Variants in SETD2 observed in about 807,000 individuals in gnomAD.
SETD2 encodes histone-lysine N-methyltransferase SETD2.
In SETD2, 31 loss-of-function variants were observed where a neutral mutation model predicts 242.1. The observed-to-expected ratio is 0.13, with a 90% CI of 0.10 to 0.17. The LOEUF is 0.17. SETD2 is among the 10% of genes least tolerant of loss of function. SETD2 has a pLI of 1.00. For missense variants in SETD2, 2,481 were observed against 3,046.3 expected (o/e 0.81, Z 4.37); for synonymous variants, 1,006 against 1,066.5 (o/e 0.94, Z 1.11).
intron 12 of SETD2, among the ~76,000 whole-genome samples, chr3:47,069,559 T>C (rs1271141670): frequency 2.6e-5 from 4 of 152,230 alleles, no homozygotes; most frequent in Admixed American, 6.5e-5. Context: ...ACTGAACTAC[T>C]GGCTATTCTT....
intron 12 of SETD2, among the ~76,000 whole-genome samples, chr3:47,072,881 A>G (rs1305225737): frequency 6.6e-6 from 1 of 150,954 alleles, no homozygotes; most frequent in African/African-American, 2.4e-5. Context: ...TGGGAGGCGG[A>G]GCTTGCAGTG....
At chr3:47,130,339 T>C (rs1158079262) in intron 1 of SETD2, among the ~76,000 whole-genome samples, 4 of 151,848 alleles carry the variant, frequency 2.6e-5, no homozygotes, top group African/African-American at 9.7e-5. Context: ...GGAAGAGAGG[T>C]AGAAGGGTCA....
chr3:47,033,748 G>A (rs2038883924), intron 18 of SETD2, among the ~76,000 whole-genome samples: 3 of 126,388 alleles, frequency 2.4e-5, no homozygotes, highest in South Asian at 2.8e-4. Flanking sequence ...TGCAACCCCC[G>A]TCTCCCGGGT....
chr3:47,154,779 G>A (rs750078956), intron 1 of SETD2, among the ~76,000 whole-genome samples: 44 of 152,070 alleles, frequency 2.9e-4, no homozygotes, highest in Admixed American at 4.6e-4. Flanking sequence ...GGATCACAAG[G>A]TCAGGAGATC....
intron 8 of SETD2, chr3:47,098,364 A>G (rs2042085007): frequency 3.9e-6 from 1 of 253,926 alleles, no homozygotes; most frequent in Non-Finnish European, 7.7e-6. Context: ...TGAAAATAAG[A>G]GATCATATAC....
At chr3:47,058,453 AAAAAAAAAAAAC>A (rs1202758485) in intron 14 of SETD2, among the ~76,000 whole-genome samples, 3 of 149,444 alleles carry the variant, frequency 2.0e-5, no homozygotes, top group South Asian at 4.2e-4. Flanking sequence ...AAAAAAAAAA[AAAAAAAAAAAAC>A]ACAAAGAGGG....
intron 1 of SETD2, among the ~76,000 whole-genome samples, chr3:47,129,561 A>G (rs967947017): frequency 6.6e-6 from 1 of 152,226 alleles, no homozygotes; most frequent in African/African-American, 2.4e-5. Context: ...GTATGGAATC[A>G]CCAAATTAGA....
rs2043234786 is a variant in SETD2, at chr3:47,124,238, G to T, written c.398C>A (p.Pro133Gln). 1 of 1,551,714 alleles carries T rather than the reference G, an allele frequency of 6.4e-7. No individual in the cohort carries two copies. Among genetic ancestry groups the T allele is most frequent in the Non-Finnish European group, 8.7e-7 (1 of 1,146,984 alleles). The change falls in exon 3 of 21, where the codon CCA becomes CAA. Residue 133 changes from proline (P) to glutamine (Q), a missense_variant. Coordinates refer to ENST00000409792, the MANE Select transcript of SETD2 (RefSeq NM_014159.7). ...TTTGCCCAATTCCACCCTTGACTTT[G>T]GTGGGGAAGATTCTTCTGCAGTAGA... is the stretch of plus-strand genomic sequence containing the variant. ...TLSTAEESSP[P>Q]KSRVELGKIH...
At chr3:47,110,448 C>G (rs1232459084) in intron 5 of SETD2, among the ~76,000 whole-genome samples, 1 of 152,192 alleles carries the variant, frequency 6.6e-6, no homozygotes, top group African/African-American at 2.4e-5. Flanking sequence ...AATTAAAACC[C>G]TATCTGGTAT....
At chr3:47,065,005 C>T (rs1202742385) in intron 13 of SETD2, among the ~76,000 whole-genome samples, 1 of 151,908 alleles carries the variant, frequency 6.6e-6, no homozygotes, top group Admixed American at 6.6e-5. Flanking sequence ...CAATAATTTG[C>T]AAATATCTAG....
intron 12 of SETD2, among the ~76,000 whole-genome samples, chr3:47,081,488 T>C (rs2041316615): frequency 1.3e-5 from 2 of 152,238 alleles, no homozygotes; most frequent in Non-Finnish European, 2.9e-5. Context: ...TTTCAGCCAA[T>C]GTCTACTCGA....
intron 1 of SETD2, among the ~76,000 whole-genome samples, chr3:47,159,956 CAG>C (rs1281086055): frequency 5.4e-5 from 8 of 149,290 alleles, no homozygotes; most frequent in Non-Finnish European, 1.0e-4. Flanking sequence ...GCCTGGGGGA[CAG>C]AGTGAGACTC....
At chr3:47,074,692 C>A (rs1279388461) in intron 12 of SETD2, among the ~76,000 whole-genome samples, 1 of 151,910 alleles carries the variant, frequency 6.6e-6, no homozygotes, top group East Asian at 1.9e-4. Context: ...AACCACAGTT[C>A]ATTCCTTTCT....
At chr3:47,057,722 T>A (rs1441014724) in intron 14 of SETD2, among the ~76,000 whole-genome samples, 1 of 152,194 alleles carries the variant, frequency 6.6e-6, no homozygotes, top group Non-Finnish European at 1.5e-5. Flanking sequence ...TCTCTACCCT[T>A]AGTTTCTAGA....
At chr3:47,082,167 T>C (rs1024268771) in intron 12 of SETD2, among the ~76,000 whole-genome samples, 2 of 152,216 alleles carry the variant, frequency 1.3e-5, no homozygotes, top group African/African-American at 4.8e-5. Context: ...AAACCCACTA[T>C]CATACGAAGA....
Position 47,120,919 on chromosome 3 carries a change from G to A in SETD2, c.3717C>T (p.Ser1239=), listed in dbSNP as rs1457184637. ...RLGKTELSFS[S]SCEIPHVDGL... ...CATCCACATGTGGTATCTCACAAGA[G>A]GAAGAAAAACTCAATTCTGTTTTTC... Residue 1239 remains serine, a synonymous_variant, in exon 3 of 21, where the codon TCC becomes TCT. Transcript: ENST00000409792. The A allele has an allele frequency of 1.9e-6, 3 of 1,614,210 alleles. No individual in the cohort carries two copies. Among genetic ancestry groups the A allele is most frequent in the Non-Finnish European group, 2.5e-6 (3 of 1,180,028 alleles).
chr3:47,024,512 C>T (rs1349219445), intron 18 of SETD2, among the ~76,000 whole-genome samples: 2 of 151,898 alleles, frequency 1.3e-5, no homozygotes, highest in Non-Finnish European at 2.9e-5. Context: ...ATTAGCTGGG[C>T]CTGGTGGTGC....
intron 18 of SETD2, among the ~76,000 whole-genome samples, chr3:47,037,059 CTTTTTTTTTTTTTTT>C (rs10536067): frequency 2.6e-4 from 19 of 71,732 alleles, no homozygotes; most frequent in South Asian, 2.1e-3. Context: ...AAAGGCCATT[CTTTTTTTTTTTTTTT>C]TTTTTTTTTT....
At chr3:47,066,286 G>C (rs1354001196) in intron 13 of SETD2, among the ~76,000 whole-genome samples, 1 of 152,050 alleles carries the variant, frequency 6.6e-6, no homozygotes, top group Non-Finnish European at 1.5e-5. Context: ...CGACGCACAG[G>C]GTATCTGTAT....
Sources: allele counts gnomAD v4.1 joint callset (sites outside exome capture counted in the v4.1 genomes callset), GRCh38; gene constraint gnomAD v4.1.1; transcripts MANE v1.5; gene names NCBI Gene and HGNC (gene_info 2026-07-23, HGNC 2026-07-21).